AUH: variants seen among roughly 807,000 people sequenced by gnomAD.
AUH encodes the protein methylglutaconyl-CoA hydratase, mitochondrial.
In AUH, 29 loss-of-function variants were observed where a neutral mutation model predicts 42.3. The observed-to-expected ratio is 0.69, with a 90% CI of 0.51 to 0.93. The LOEUF (loss-of-function observed/expected upper bound fraction) is 0.93, where lower values mean the gene tolerates loss of function less well. Ranked by LOEUF, AUH falls within the 40% of genes least tolerant of loss-of-function variation. AUH has a pLI of 0.00. For missense variants in AUH, 452 were observed against 438.1 expected (o/e 1.03, Z -0.28); for synonymous variants, 174 against 166.4 (o/e 1.05, Z -0.35).
At chr9:91,237,309 G>A (rs1214258168) in intron 6 of AUH, among the ~76,000 whole-genome samples, 2 of 152,208 alleles carry the variant, frequency 1.3e-5, no homozygotes, top group African/African-American at 2.4e-5. Flanking sequence ...GCCGGGGCAG[G>A]AGTGAGAACT....
At chr9:91,218,766 G>T (rs755349892) in intron 7 of AUH, 63 of 984,472 alleles carry the variant, frequency 6.4e-5, no homozygotes, top group Non-Finnish European at 6.8e-5. Context: ...ATATCACCTA[G>T]AAATACTGAT....
At chr9:91,215,363 A>G (rs539558513) in intron 9 of AUH, among the ~76,000 whole-genome samples, 3 of 152,272 alleles carry the variant, frequency 2.0e-5, no homozygotes, top group South Asian at 2.1e-4. Flanking sequence ...ATAAAATTGC[A>G]TATCATATTA....
At position 91,266,636 on chromosome 9, in the gene AUH, C is replaced by G. The variant is rs544180529; in HGVS notation, c.655+29385G>C. On this transcript the variant is annotated intron_variant, in intron 6 of 9. Transcript: ENST00000375731. ...AGTGTCATATAATTTGATTTTGTAA[C>G]CAGGTCAAGAGTTCTTTGCAATATC... Among the ~76,000 whole-genome samples the G allele has an allele frequency of 2.6e-5, 4 of 152,206 alleles. No homozygotes were observed. The East Asian group carries it at 7.7e-4, about 29-fold the overall frequency.
chr9:91,361,503 A>AC, intron 1 of AUH, 125 bp downstream of exon 1: 1 of 1,331,722 alleles, frequency 7.5e-7, no homozygotes, highest in Admixed American at 2.4e-5. Flanking sequence ...AAGGGGAGGG[A>AC]CCCAGGTTCG....
chr9:91,322,527 G>A (rs920099001), intron 4 of AUH, among the ~76,000 whole-genome samples: 5 of 152,070 alleles, frequency 3.3e-5, no homozygotes, highest in African/African-American at 7.2e-5. Flanking sequence ...ATCAAAACAC[G>A]TATTTTTTAA....
intron 6 of AUH, among the ~76,000 whole-genome samples, chr9:91,270,035 A>T (rs1042482390): frequency 2.0e-5 from 3 of 152,216 alleles, no homozygotes; most frequent in Non-Finnish European, 2.9e-5. Context: ...CCAGAAGAAC[A>T]CTTTTACTAA....
chr9:91,339,655 T>C (rs76670503), intron 3 of AUH, among the ~76,000 whole-genome samples: 3,839 of 152,306 alleles, frequency 0.025, 79 homozygotes, highest in East Asian at 0.066. Flanking sequence ...AGTGAGCACA[T>C]GTTGTACCCA....
intron 4 of AUH, among the ~76,000 whole-genome samples, chr9:91,313,821 C>T (rs1828917349): frequency 8.9e-6 from 1 of 112,316 alleles, no homozygotes. Flanking sequence ...TCCATAAACG[C>T]TCTTTTTTTT....
chr9:91,341,039 T>C (rs934211742), intron 3 of AUH, among the ~76,000 whole-genome samples: 3 of 152,180 alleles, frequency 2.0e-5, no homozygotes, highest in African/African-American at 7.2e-5. Context: ...AGTATCAATT[T>C]CCAGAAGCAG....
chr9:91,245,846 C>A (rs1179589910), intron 6 of AUH, among the ~76,000 whole-genome samples: 1 of 152,112 alleles, frequency 6.6e-6, no homozygotes, highest in African/African-American at 2.4e-5. Flanking sequence ...GGGAGTGCAC[C>A]TTTGACCCCT....
chr9:91,232,750 A>G (rs1440306572), intron 6 of AUH, among the ~76,000 whole-genome samples: 2 of 152,372 alleles, frequency 1.3e-5, no homozygotes, highest in Non-Finnish European at 2.9e-5. Flanking sequence ...GGCTGTGTCA[A>G]CTTGGAGGTT....
chr9:91,217,440 G>A, intron 7 of AUH, 113 bp from the exon 8 acceptor site: 2 of 1,153,710 alleles, frequency 1.7e-6, no homozygotes, highest in Non-Finnish European at 1.3e-6. Context: ...GCCAGCAATG[G>A]CTGTCAGATA....
intron 3 of AUH, among the ~76,000 whole-genome samples, chr9:91,339,326 T>C (rs1830929581): frequency 6.6e-6 from 1 of 152,256 alleles, no homozygotes; most frequent in Admixed American, 6.5e-5. Context: ...AGTGAGGGAC[T>C]GTACTGTCAA....
At chr9:91,341,439 G>T (rs1831093762) in intron 3 of AUH, among the ~76,000 whole-genome samples, 1 of 152,208 alleles carries the variant, frequency 6.6e-6, no homozygotes, top group African/African-American at 2.4e-5. Flanking sequence ...AGGTTTAACG[G>T]TAAGTCATAA....
intron 6 of AUH, among the ~76,000 whole-genome samples, chr9:91,243,888 G>T (rs1828650679): frequency 6.6e-6 from 1 of 152,160 alleles, no homozygotes; most frequent in Non-Finnish European, 1.5e-5. Context: ...CAAACACTCT[G>T]TAAAAGGACA....
At chr9:91,248,496 A>T (rs1332914816) in intron 6 of AUH, among the ~76,000 whole-genome samples, 1 of 152,242 alleles carries the variant, frequency 6.6e-6, no homozygotes, top group Non-Finnish European at 1.5e-5. Flanking sequence ...AGTGATACAA[A>T]GGAAGCCTGT....
chr9:91,272,924 C>T (rs1825265907), intron 6 of AUH, among the ~76,000 whole-genome samples: 1 of 152,184 alleles, frequency 6.6e-6, no homozygotes, highest in Non-Finnish European at 1.5e-5. Context: ...GACTACATAA[C>T]ATTTGTACTT....
At chr9:91,253,268 A>G (rs1829233077) in intron 6 of AUH, among the ~76,000 whole-genome samples, 1 of 152,218 alleles carries the variant, frequency 6.6e-6, no homozygotes, top group Non-Finnish European at 1.5e-5. Flanking sequence ...TACATGGTAT[A>G]ATGTAAAGTG....
At chr9:91,301,977 T>G (rs1402355683) in intron 4 of AUH, among the ~76,000 whole-genome samples, 1 of 152,236 alleles carries the variant, frequency 6.6e-6, no homozygotes, top group Non-Finnish European at 1.5e-5. Context: ...TAATTCGTAT[T>G]CAATGGGTAA....
Sources: allele counts gnomAD v4.1 joint callset (sites outside exome capture counted in the v4.1 genomes callset), GRCh38; gene constraint gnomAD v4.1.1; transcripts MANE v1.5; gene names NCBI Gene and HGNC (gene_info 2026-07-23, HGNC 2026-07-21).